Variants in CLSTN1 observed in about 807,000 individuals in gnomAD.
CLSTN1 encodes calsyntenin 1, also known as calsyntenin-1.
A neutral mutation model predicts 108.3 loss-of-function variants in CLSTN1; 28 were observed. The observed-to-expected ratio is 0.26, with a 90% CI of 0.19 to 0.35. The LOEUF (loss-of-function observed/expected upper bound fraction) is 0.35. Ranked by LOEUF, CLSTN1 falls within the 10% of genes least tolerant of loss-of-function variation. CLSTN1 has a pLI of 1.00. For synonymous variants in CLSTN1, 524 were observed against 534.9 expected, an observed-to-expected ratio of 0.98 and a Z score of 0.28; for missense variants, 1,157 against 1,302.6, an observed-to-expected ratio of 0.89 and a Z score of 1.72.
intron 1 of CLSTN1, among the ~76,000 whole-genome samples, chr1:9,777,803 A>G (rs1653029958): frequency 6.6e-6 from 1 of 152,150 alleles, no homozygotes; most frequent in African/African-American, 2.4e-5. Flanking sequence ...GCCACAGTGC[A>G]GCCTAAGAGG....
intron 1 of CLSTN1, among the ~76,000 whole-genome samples, chr1:9,810,903 A>T (rs72855733): frequency 0.16 from 23,793 of 152,172 alleles, 3,073 homozygotes; most frequent in African/African-American, 0.35. Context: ...TTCTCTGATC[A>T]ATTCTCTTGC....
chr1:9,768,050 C>T (rs974823773), intron 2 of CLSTN1, among the ~76,000 whole-genome samples: 1 of 152,112 alleles, frequency 6.6e-6, no homozygotes, highest in African/African-American at 2.4e-5. Flanking sequence ...GAAATGGAGG[C>T]ACAGAAAGGG....
At chr1:9,801,835 CGT>C (rs1654285213) in intron 1 of CLSTN1, among the ~76,000 whole-genome samples, 1 of 152,122 alleles carries the variant, frequency 6.6e-6, no homozygotes, top group Admixed American at 6.6e-5. Context: ...GGATTACAGG[CGT>C]GAGCCACCAC....
At chr1:9,771,962 C>T (rs1652705585) in intron 2 of CLSTN1, among the ~76,000 whole-genome samples, 1 of 151,492 alleles carries the variant, frequency 6.6e-6, no homozygotes, top group Admixed American at 6.6e-5. Flanking sequence ...TTATTTGTCC[C>T]TAGACAAATA....
At chr1:9,755,838 G>A (rs1651780782) in intron 3 of CLSTN1, among the ~76,000 whole-genome samples, 1 of 151,942 alleles carries the variant, frequency 6.6e-6, no homozygotes. Flanking sequence ...CCTGTGCAAT[G>A]AGCCTGGCTA....
chr1:9,805,150 CAA>C (rs1654453165), intron 1 of CLSTN1, among the ~76,000 whole-genome samples: 1 of 151,958 alleles, frequency 6.6e-6, no homozygotes, highest in Non-Finnish European at 1.5e-5. Context: ...AAGCAAGGGG[CAA>C]TGTAAACTAT....
intron 1 of CLSTN1, among the ~76,000 whole-genome samples, chr1:9,782,058 T>C (rs549259362): frequency 6.6e-6 from 1 of 152,334 alleles, no homozygotes; most frequent in Admixed American, 6.5e-5. Context: ...GGAATCTTGT[T>C]TTTTAAAATA....
At chr1:9,735,830 G>A (rs1055251172) in intron 12 of CLSTN1, 55 bp downstream of exon 12, 35 of 1,600,186 alleles carry the variant, frequency 2.2e-5, no homozygotes, top group African/African-American at 5.4e-5. Context: ...ACCAGCCTCC[G>A]GGGCTGTAGT....
chr1:9,745,763 TTG>T (rs1651228710), intron 7 of CLSTN1, among the ~76,000 whole-genome samples: 1 of 144,406 alleles, frequency 6.9e-6, no homozygotes, highest in Non-Finnish European at 1.5e-5. Context: ...ATCTGAATAG[TTG>T]TTTTTTTTTT....
chr1:9,744,277 A>G, intron 8 of CLSTN1, 118 bp downstream of exon 8: 1 of 1,417,170 alleles, frequency 7.1e-7, no homozygotes, highest in Non-Finnish European at 9.5e-7. Context: ...ACAGCATGGC[A>G]CATGGCCTAC....
chr1:9,766,461 C>A (rs1272789873), intron 2 of CLSTN1, among the ~76,000 whole-genome samples: 1 of 152,172 alleles, frequency 6.6e-6, no homozygotes, highest in Admixed American at 6.5e-5. Context: ...AGTTCGAGAC[C>A]AGCCTGGCCA....
intron 7 of CLSTN1, among the ~76,000 whole-genome samples, chr1:9,746,955 G>A (rs1309490884): frequency 6.6e-6 from 1 of 151,858 alleles, no homozygotes; most frequent in African/African-American, 2.4e-5. Context: ...CGAGGTGGGT[G>A]GATCACTTGA....
chr1:9,797,027 G>A (rs769834120), intron 1 of CLSTN1, among the ~76,000 whole-genome samples: 31 of 152,282 alleles, frequency 2.0e-4, no homozygotes, highest in Non-Finnish European at 3.1e-4. Flanking sequence ...ACACTGGTGC[G>A]TGGTAGGGGT....
chr1:9,786,664 A>C (rs1425160216), intron 1 of CLSTN1, among the ~76,000 whole-genome samples: 7 of 150,302 alleles, frequency 4.7e-5, no homozygotes, highest in African/African-American at 9.7e-5. Context: ...AAAAAAAAAA[A>C]AAAAAAAAAC....
At chr1:9,817,172 G>C (rs1451162570) in intron 1 of CLSTN1, among the ~76,000 whole-genome samples, 3 of 152,184 alleles carry the variant, frequency 2.0e-5, no homozygotes, top group Non-Finnish European at 4.4e-5. Context: ...TTCGAGACCA[G>C]CCTGAGCAAC....
intron 1 of CLSTN1, among the ~76,000 whole-genome samples, chr1:9,819,353 C>T (rs998837976): frequency 2.3e-4 from 35 of 152,128 alleles, no homozygotes; most frequent in Non-Finnish European, 4.1e-4. Flanking sequence ...TCTCAGCTTC[C>T]TCATTTTAAA....
intron 1 of CLSTN1, among the ~76,000 whole-genome samples, chr1:9,794,369 C>T (rs934670255): frequency 2.5e-4 from 38 of 151,590 alleles, no homozygotes; most frequent in African/African-American, 9.1e-4. Flanking sequence ...AGTGCAGTCA[C>T]GCAATCTCAG....
At chr1:9,773,457 T>G (rs1289504851) in intron 1 of CLSTN1, 63 bp from the exon 2 acceptor site, 1 of 1,479,612 alleles carries the variant, frequency 6.8e-7, no homozygotes, top group African/African-American at 1.4e-5. Context: ...ACTCCACTAC[T>G]TTTGAAGACA....
At chr1:9,804,481 G>A (rs1024741987) in intron 1 of CLSTN1, among the ~76,000 whole-genome samples, 20 of 152,042 alleles carry the variant, frequency 1.3e-4, no homozygotes, top group African/African-American at 4.6e-4. Context: ...AGCAGCAGGT[G>A]CTCTATGTTA....
Sources: allele counts gnomAD v4.1 joint callset (sites outside exome capture counted in the v4.1 genomes callset), GRCh38; gene constraint gnomAD v4.1.1; transcripts MANE v1.5; gene names NCBI Gene and HGNC (gene_info 2026-07-23, HGNC 2026-07-21).